PRICKLE1: variants seen among roughly 807,000 people sequenced by gnomAD.
PRICKLE1 encodes prickle planar cell polarity protein 1.
PRICKLE1 carries 14 observed loss-of-function variants against 70.2 expected under a neutral mutation model. The ratio of observed to expected loss-of-function variants is 0.20; its 90% CI spans 0.13 to 0.31. The LOEUF is 0.31. Among genes scored for constraint, PRICKLE1 ranks in the 10% least tolerant of loss-of-function variants. The pLI, the probability that PRICKLE1 is intolerant of heterozygous loss-of-function variation, is 1.00. For missense variants in PRICKLE1, 821 were observed against 1,026.2 expected (o/e 0.80, Z 2.73); for synonymous variants, 357 against 379.9 (o/e 0.94, Z 0.70).
In PRICKLE1 at chr12:42,470,230, C is replaced by T. The variant is rs1938261559; in HGVS notation, c.246+16G>A. On this transcript the variant is annotated intron_variant, in intron 3 of 7. Transcript: ENST00000345127. ...TTTCTTCTTTTTTCTAATTAGCCTTCTTCCTGCTATTTTACCTCATTATCA... is the reference window on the plus strand; with the variant it reads ...TTTCTTCTTTTTTCTAATTAGCCTTTTTCCTGCTATTTTACCTCATTATCA... The T allele has an allele frequency of 6.5e-7, 1 of 1,545,706 alleles. No homozygotes were observed. Among genetic ancestry groups the T allele is most frequent in the African/African-American group, 1.4e-5 (1 of 73,478 alleles).
At chr12:42,480,110 T>G (rs1938739114) in intron 1 of PRICKLE1, among the ~76,000 whole-genome samples, 1 of 152,256 alleles carries the variant, frequency 6.6e-6, no homozygotes, top group South Asian at 2.1e-4. Context: ...GAATGGCCCC[T>G]GACCCATACA....
chr12:42,504,364 G>A (rs899279427), intron 1 of PRICKLE1, among the ~76,000 whole-genome samples: 5 of 152,110 alleles, frequency 3.3e-5, no homozygotes, highest in African/African-American at 1.2e-4. Context: ...TACTCTGACT[G>A]GGGAATCAAA....
At chr12:42,564,179 C>T (rs1207090227) in intron 1 of PRICKLE1, among the ~76,000 whole-genome samples, 1 of 139,638 alleles carries the variant, frequency 7.2e-6, no homozygotes, top group Non-Finnish European at 1.5e-5. Flanking sequence ...AATCGTGAAC[C>T]CGGGAGGTGG....
At chr12:42,487,461 T>A (rs567857124) in intron 1 of PRICKLE1, among the ~76,000 whole-genome samples, 14 of 152,250 alleles carry the variant, frequency 9.2e-5, no homozygotes, top group African/African-American at 2.9e-4. Context: ...CTTTAACGTT[T>A]TCTACACCCA....
chr12:42,548,062 T>C (rs1940244572), intron 1 of PRICKLE1, among the ~76,000 whole-genome samples: 1 of 152,148 alleles, frequency 6.6e-6, no homozygotes, highest in South Asian at 2.1e-4. Flanking sequence ...GTTTTGTGTT[T>C]TTTAATAGAG....
At chr12:42,509,186 A>G (rs1436877245) in intron 1 of PRICKLE1, among the ~76,000 whole-genome samples, 1 of 152,212 alleles carries the variant, frequency 6.6e-6, no homozygotes, top group Non-Finnish European at 1.5e-5. Flanking sequence ...GGGTTTAGAC[A>G]GTATTAAACT....
At chr12:42,543,150 G>T (rs1340837006) in intron 1 of PRICKLE1, among the ~76,000 whole-genome samples, 4 of 152,164 alleles carry the variant, frequency 2.6e-5, no homozygotes, top group Admixed American at 1.3e-4. Flanking sequence ...CATTTCTGTT[G>T]TTTATAAGCC....
chr12:42,540,299 G>C (rs1209016340), intron 1 of PRICKLE1, among the ~76,000 whole-genome samples: 5 of 152,154 alleles, frequency 3.3e-5, no homozygotes, highest in Admixed American at 3.3e-4. Flanking sequence ...AAGAGTTTGG[G>C]TCTGAAGTTG....
At chr12:42,501,806 C>T (rs945158520) in intron 1 of PRICKLE1, among the ~76,000 whole-genome samples, 8 of 152,060 alleles carry the variant, frequency 5.3e-5, no homozygotes, top group African/African-American at 1.9e-4. Flanking sequence ...CTTGAAACAT[C>T]CAGGCATTAT....
intron 1 of PRICKLE1, among the ~76,000 whole-genome samples, chr12:42,588,377 A>G (rs888216901): frequency 6.6e-6 from 1 of 152,228 alleles, no homozygotes; most frequent in Non-Finnish European, 1.5e-5. Context: ...GATACAAGAT[A>G]CCATTTCAGT....
At position 42,464,723 on chromosome 12, in the gene PRICKLE1, A is replaced by G. The variant is rs1938016409; in HGVS notation, c.1311T>C (p.Ile437=). The G allele has an allele frequency of 5.0e-6, 8 of 1,614,090 alleles. No homozygotes were observed. The highest frequency in any genetic ancestry group is 4.5e-5 in the East Asian group (2 of 44,872). ...LFQPQPNEMD[I]RASEHWISDN... is the part of the protein sequence containing the mutation. ...CAGATATCCAGTGCTCACTGGCTCG[A>G]ATATCCATCTCATTGGGCTGTGGCT... Residue 437 remains isoleucine, a synonymous_variant, in exon 7 of 8, where the codon ATT becomes ATC. Coordinates refer to ENST00000345127, the MANE Select transcript of PRICKLE1 (RefSeq NM_153026.3). This position sits in a 1 kb window ranked among gnomAD's most constrained non-coding sequence, Gnocchi z 4.2.
At position 42,568,837 on chromosome 12, in the gene PRICKLE1, CT is replaced by C. The variant is rs374630354; in HGVS notation, c.-49+20627del. On this transcript the variant is annotated intron_variant, in intron 1 of 7. Transcript: ENST00000345127. ...AGGTAATTTCTCATTCTTCAACCCTCTTCTACCCTCCCATCTTTTGTAGTCC... is the reference window on the plus strand; with the variant it reads ...AGGTAATTTCTCATTCTTCAACCCTCTCTACCCTCCCATCTTTTGTAGTCC... Among the ~76,000 whole-genome samples, 435 of 152,278 alleles carry C rather than the reference CT, an allele frequency of 2.9e-3. 1 individual carries two copies. Among genetic ancestry groups the C allele is most frequent in the African/African-American group, 9.8e-3 (408 of 41,544 alleles).
intron 1 of PRICKLE1, among the ~76,000 whole-genome samples, chr12:42,511,345 G>A (rs1362324139): frequency 6.6e-6 from 1 of 152,214 alleles, no homozygotes; most frequent in Non-Finnish European, 1.5e-5. Context: ...AAAGAAAGAA[G>A]TATGTCTGCA....
At position 42,460,197 on chromosome 12, in the gene PRICKLE1, A is replaced by G. The variant is rs758085094; in HGVS notation, c.2108T>C (p.Leu703Pro). The G allele has an allele frequency of 1.2e-6, 2 of 1,614,138 alleles. No homozygotes were observed. Among genetic ancestry groups the G allele is most frequent in the East Asian group, 2.2e-5 (1 of 44,888 alleles). ...TTTCTCATAGTTATCGGGGGTGTAC[A>G]GCCGCAGTCTGTCCTTGGGAGAGTA... Reference protein sequence around the residue: ...RKYSPKDRLRLYTPDNYEKFI... With the variant: ...RKYSPKDRLRPYTPDNYEKFI... The change falls in exon 8 of 8, where the codon CTG becomes CCG. Residue 703 changes from leucine to proline, a missense_variant. Coordinates refer to ENST00000345127, the MANE Select transcript of PRICKLE1 (RefSeq NM_153026.3).
intron 1 of PRICKLE1, among the ~76,000 whole-genome samples, chr12:42,577,737 T>A (rs1458347625): frequency 6.6e-6 from 1 of 152,124 alleles, no homozygotes. Context: ...CCCATGCAAG[T>A]TAGTAGGAGA....
At chr12:42,521,561 A>AT (rs1939708861) in intron 1 of PRICKLE1, among the ~76,000 whole-genome samples, 1 of 152,050 alleles carries the variant, frequency 6.6e-6, no homozygotes, top group South Asian at 2.1e-4. Flanking sequence ...TTAGCCTGGC[A>AT]TGGTGGCATG....
intron 1 of PRICKLE1, among the ~76,000 whole-genome samples, chr12:42,475,862 G>C (rs563496525): frequency 2.6e-5 from 4 of 152,024 alleles, no homozygotes; most frequent in South Asian, 2.1e-4. Context: ...GGAGGCTGGG[G>C]GGGGGCGGGG....
chr12:42,585,893 C>T (rs1000445097), intron 1 of PRICKLE1, among the ~76,000 whole-genome samples: 4 of 152,128 alleles, frequency 2.6e-5, no homozygotes, highest in Non-Finnish European at 2.9e-5. Flanking sequence ...AGGCTTGGGG[C>T]TGCTCCAGAT....
chr12:42,548,811 C>CA (rs1405558533), intron 1 of PRICKLE1, among the ~76,000 whole-genome samples: 1 of 152,054 alleles, frequency 6.6e-6, no homozygotes, highest in Non-Finnish European at 1.5e-5. Context: ...TCAGAAGATT[C>CA]CATCACTTGG....
Sources: gnomAD v4.1 joint callset for allele counts (sites outside exome capture counted in the v4.1 genomes callset) on GRCh38, gnomAD v4.1.1 for gene constraint, Gnocchi (gnomAD v3.1) non-coding constraint, MANE v1.5 for transcripts, NCBI Gene and HGNC (gene_info 2026-07-23, HGNC 2026-07-21) for gene names.